Variants in TMEM38B observed in about 807,000 individuals in gnomAD.
TMEM38B encodes the protein transmembrane protein 38B.
A neutral mutation model predicts 28.7 loss-of-function variants in TMEM38B; 24 were observed. The observed-to-expected ratio is 0.84, with a 90% CI of 0.61 to 1.18. TMEM38B has a LOEUF of 1.18. Ranked by LOEUF, TMEM38B falls within the 50% of genes most tolerant of loss-of-function variation. The probability of loss-of-function intolerance (pLI) is 0.00; values close to 1 mark genes in which losing one functional copy is unlikely to be tolerated. For missense variants in TMEM38B, 380 were observed against 350.9 expected, an observed-to-expected ratio of 1.08 and a Z score of -0.66; for synonymous variants, 131 against 127.7, an observed-to-expected ratio of 1.03 and a Z score of -0.17.
chr9:105,710,853 C>G (rs1835875436), intron 2 of TMEM38B: 2 of 363,134 alleles, frequency 5.5e-6, no homozygotes, highest in Non-Finnish European at 1.1e-5. Context: ...TGCCAAGCCT[C>G]AGACACACAC....
At chr9:105,762,379 G>T (rs1243154514) in intron 5 of TMEM38B, among the ~76,000 whole-genome samples, 2 of 149,216 alleles carry the variant, frequency 1.3e-5, no homozygotes, top group Non-Finnish European at 3.0e-5. Context: ...CTAGCATTAG[G>T]TATATCTCCC....
At chr9:105,736,977 C>T (rs1448600207) in intron 4 of TMEM38B, among the ~76,000 whole-genome samples, 1 of 152,162 alleles carries the variant, frequency 6.6e-6, no homozygotes, top group Non-Finnish European at 1.5e-5. Flanking sequence ...TTTTGGGGTC[C>T]TCTAGTTCTT....
At chr9:105,745,114 C>G (rs569819828) in intron 4 of TMEM38B, among the ~76,000 whole-genome samples, 23 of 152,198 alleles carry the variant, frequency 1.5e-4, no homozygotes, top group South Asian at 1.0e-3. Flanking sequence ...GTAATGGGAT[C>G]GCTGGGTCAA....
chr9:105,729,162 A>C (rs1588425520), intron 4 of TMEM38B, among the ~76,000 whole-genome samples: 1 of 152,156 alleles, frequency 6.6e-6, no homozygotes, highest in African/African-American at 2.4e-5. Context: ...GCCCATGCCT[A>C]TGTCCTGAAT....
intron 5 of TMEM38B, among the ~76,000 whole-genome samples, chr9:105,755,511 G>A (rs1564413061): frequency 6.6e-6 from 1 of 152,156 alleles, no homozygotes; most frequent in Non-Finnish European, 1.5e-5. Flanking sequence ...CTCTGAGTTT[G>A]TTGTTCTTTT....
At chr9:105,766,959 C>T (rs967150736) in intron 5 of TMEM38B, among the ~76,000 whole-genome samples, 1 of 136,358 alleles carries the variant, frequency 7.3e-6, no homozygotes, top group Non-Finnish European at 1.5e-5. Flanking sequence ...TCTCATTGTT[C>T]AATTCCCACC....
At chr9:105,748,321 G>T in intron 5 of TMEM38B, 131 bp downstream of exon 5, 1 of 639,510 alleles carries the variant, frequency 1.6e-6, no homozygotes, top group Non-Finnish European at 2.6e-6. Context: ...AATTTGGGGA[G>T]CTTTACTCAG....
intron 5 of TMEM38B, among the ~76,000 whole-genome samples, chr9:105,753,846 C>T (rs114771536): frequency 0.012 from 1,880 of 152,218 alleles, 32 homozygotes; most frequent in African/African-American, 0.043. Context: ...GGGCTAGAGG[C>T]CCCAATTTAA....
intron 1 of TMEM38B, among the ~76,000 whole-genome samples, chr9:105,704,959 T>C (rs1354540763): frequency 6.6e-6 from 1 of 151,956 alleles, no homozygotes; most frequent in African/African-American, 2.4e-5. Flanking sequence ...ACAGAAGTGA[T>C]GATGTGTTCT....
At chr9:105,757,958 T>C (rs1384965407) in intron 5 of TMEM38B, among the ~76,000 whole-genome samples, 4 of 152,252 alleles carry the variant, frequency 2.6e-5, no homozygotes, top group Non-Finnish European at 4.4e-5. Flanking sequence ...TTGTTAACTC[T>C]ATTTTTAGGT....
intron 4 of TMEM38B, among the ~76,000 whole-genome samples, chr9:105,725,897 TA>T (rs2133583248): frequency 6.6e-6 from 1 of 152,286 alleles, no homozygotes; most frequent in Non-Finnish European, 1.5e-5. Flanking sequence ...GAGGCAACAC[TA>T]AATGTATAGA....
chr9:105,764,264 T>C (rs1838176975), intron 5 of TMEM38B, among the ~76,000 whole-genome samples: 1 of 152,162 alleles, frequency 6.6e-6, no homozygotes, highest in Admixed American at 6.5e-5. Context: ...ATAAAGGGTA[T>C]TCAGTTAGGA....
Position 105,760,804 on chromosome 9 carries a change from A to G in TMEM38B, c.660+12614A>G, listed in dbSNP as rs1251355454. On this transcript the variant is annotated intron_variant, in intron 5 of 5. Coordinates refer to ENST00000374692, the MANE Select transcript of TMEM38B (RefSeq NM_018112.3). ...TTGTGGAACTTTGATAAATGAAGCC[A>G]TATCTGAGAATGTAGCTAATCAAAA... is the stretch of plus-strand genomic sequence containing the variant. The G allele has an allele frequency of 2.9e-5, 23 of 786,904 alleles. 1 individual carries two copies. In the South Asian group the frequency reaches 3.7e-4, roughly 13 times the overall value. The allele number at this position is 786,904 out of a possible 1,614,324, so 48.7% of individuals were successfully genotyped here.
intron 5 of TMEM38B, among the ~76,000 whole-genome samples, chr9:105,767,611 G>T (rs1003865875): frequency 1.8e-4 from 28 of 152,038 alleles, no homozygotes; most frequent in African/African-American, 6.7e-4. Flanking sequence ...TTAAATTTTT[G>T]GAGTACTATT....
intron 1 of TMEM38B, among the ~76,000 whole-genome samples, chr9:105,702,120 C>T (rs115074897): frequency 1.5e-3 from 224 of 152,224 alleles, no homozygotes; most frequent in African/African-American, 5.1e-3. Flanking sequence ...TGAATTGTGT[C>T]ATAGATAATC....
intron 1 of TMEM38B, among the ~76,000 whole-genome samples, chr9:105,699,166 G>C (rs1835380248): frequency 1.3e-5 from 2 of 152,018 alleles, no homozygotes; most frequent in African/African-American, 2.4e-5. Flanking sequence ...GGAGTGAGTA[G>C]CTTGTATTAC....
At chr9:105,747,468 T>C (rs1256388374) in intron 4 of TMEM38B, among the ~76,000 whole-genome samples, 1 of 152,196 alleles carries the variant, frequency 6.6e-6, no homozygotes, top group African/African-American at 2.4e-5. Context: ...CTTCTCTCTT[T>C]TCTTCTTTAT....
At chr9:105,710,658 AACATAC>A (rs1835867225) in intron 2 of TMEM38B, 1 of 721,462 alleles carries the variant, frequency 1.4e-6, no homozygotes, top group Non-Finnish European at 2.6e-6. Flanking sequence ...AATCAAGTGG[AACATAC>A]ACATCAACTA....
At chr9:105,757,239 A>T (rs1337979777) in intron 5 of TMEM38B, among the ~76,000 whole-genome samples, 4 of 152,088 alleles carry the variant, frequency 2.6e-5, no homozygotes, top group Middle Eastern at 3.2e-3. Flanking sequence ...TTATTTTATT[A>T]TTTTGTTCCT....
Sources: gnomAD v4.1 joint callset for allele counts (sites outside exome capture counted in the v4.1 genomes callset) on GRCh38, gnomAD v4.1.1 for gene constraint, MANE v1.5 for transcripts, NCBI Gene and HGNC (gene_info 2026-07-23, HGNC 2026-07-21) for gene names.